The following SLC16A10 variants were observed in gnomAD, a reference collection of about 807,000 sequenced individuals.
The protein encoded by SLC16A10 is solute carrier family 16 member 10.
In SLC16A10, 27 loss-of-function variants were observed where a neutral mutation model predicts 40.0. That is an observed-to-expected ratio of 0.67 (90% CI 0.50 to 0.93). The LOEUF is 0.93. Among genes scored for constraint, SLC16A10 ranks in the 40% least tolerant of loss-of-function variants. The pLI, the probability that SLC16A10 is intolerant of heterozygous loss-of-function variation, is 0.00. For synonymous variants in SLC16A10, 213 were observed against 249.8 expected (o/e 0.85, Z 1.39); for missense variants, 529 against 658.2 (o/e 0.80, Z 2.15).
chr6:111,106,247 G>C (rs150013468), intron 1 of SLC16A10, among the ~76,000 whole-genome samples: 51 of 152,322 alleles, frequency 3.3e-4, no homozygotes, highest in African/African-American at 1.2e-3. Context: ...CTTGATAGTA[G>C]TAAAGGTTGG....
intron 2 of SLC16A10, among the ~76,000 whole-genome samples, chr6:111,175,549 TTAAG>T (rs1400773755): frequency 2.0e-5 from 3 of 152,182 alleles, no homozygotes; most frequent in South Asian, 2.1e-4. Context: ...AATAAGCACT[TTAAG>T]TAAGTTACAA....
intron 3 of SLC16A10, among the ~76,000 whole-genome samples, chr6:111,187,821 C>G (rs1772924632): frequency 6.6e-6 from 1 of 152,210 alleles, no homozygotes; most frequent in Non-Finnish European, 1.5e-5. Flanking sequence ...GTCTTTCTTT[C>G]ATGGATCTAT....
chr6:111,199,471 A>G (rs549355912), intron 3 of SLC16A10, among the ~76,000 whole-genome samples: 2 of 152,222 alleles, frequency 1.3e-5, no homozygotes, highest in African/African-American at 4.8e-5. Context: ...AAAAAAAAAA[A>G]AAATCGAATG....
At chr6:111,137,495 A>G (rs1340216531) in intron 1 of SLC16A10, among the ~76,000 whole-genome samples, 1 of 152,250 alleles carries the variant, frequency 6.6e-6, no homozygotes, top group Non-Finnish European at 1.5e-5. Context: ...TGTCTCTTAC[A>G]GAATTGAAGC....
chr6:111,182,493 T>C (rs1772816883), intron 3 of SLC16A10, among the ~76,000 whole-genome samples: 1 of 105,280 alleles, frequency 9.5e-6, no homozygotes. Context: ...GCTTGTCCCC[T>C]GATCTTTTTC....
intron 1 of SLC16A10, among the ~76,000 whole-genome samples, chr6:111,140,971 T>C (rs893831486): frequency 6.6e-6 from 1 of 152,078 alleles, no homozygotes; most frequent in Admixed American, 6.5e-5. Flanking sequence ...TTGTTTTTAA[T>C]AGAGGTAAGG....
intron 4 of SLC16A10, among the ~76,000 whole-genome samples, chr6:111,213,550 C>G (rs1773377625): frequency 6.6e-6 from 1 of 152,142 alleles, no homozygotes; most frequent in South Asian, 2.1e-4. Context: ...AGGGTATATA[C>G]TTTATCAAAT....
At chr6:111,148,153 G>A (rs190615724) in intron 1 of SLC16A10, among the ~76,000 whole-genome samples, 2 of 152,304 alleles carry the variant, frequency 1.3e-5, no homozygotes, top group Non-Finnish European at 2.9e-5. Flanking sequence ...GATGAGTGCT[G>A]TTGGGATCCT....
rs201626230 is a variant in SLC16A10, at chr6:111,218,829, T to G, written c.1102T>G (p.Phe368Val). The G allele has an allele frequency of 6.8e-6, 11 of 1,614,076 alleles. No individual in the cohort carries two copies. The highest frequency in any genetic ancestry group is 9.3e-6 in the Non-Finnish European group (11 of 1,180,038). The stretch of plus-strand genomic sequence containing the variant: ...TCCGTCCTAGGTACTCTCCTTTTTC[T>G]TCATTGGTCTGATGTCCATGATGAT... ...KVYLQVLSFF[F>V]IGLMSMMIPL... The change falls in exon 5 of 6, where the codon TTC becomes GTC. Residue 368 changes from phenylalanine to valine, a missense_variant. Phe to Val is a conservative substitution (Grantham distance 50). Coordinates refer to ENST00000368851, the MANE Select transcript of SLC16A10 (RefSeq NM_018593.5).
Position 111,177,231 on chromosome 6 carries a change from C to T in SLC16A10, c.508C>T (p.Leu170Phe), listed in dbSNP as rs1772702250. 4.5e-6 allele frequency: 7 copies of T among 1,556,156 alleles called. No homozygotes were observed. The highest frequency in any genetic ancestry group is 1.4e-5 in the African/African-American group (1 of 72,566). The change falls in exon 3 of 6, where the codon CTT becomes TTT. Residue 170 changes from leucine to phenylalanine, a missense_variant. Coordinates refer to ENST00000368851, the MANE Select transcript of SLC16A10 (RefSeq NM_018593.5). ...SFVSSIEPLY[L>F]TYGIIFACGC... ...ATACAGTTCCATCGAGCCTCTGTAC[C>T]TTACCTATGGAATCATATTTGCCTG...
chr6:111,217,671 C>G (rs1770790109), intron 4 of SLC16A10, among the ~76,000 whole-genome samples: 1 of 152,012 alleles, frequency 6.6e-6, no homozygotes, highest in African/African-American at 2.4e-5. Context: ...AGGATGGTCT[C>G]GATCTCCCGA....
intron 3 of SLC16A10, among the ~76,000 whole-genome samples, chr6:111,205,017 T>C (rs1311007432): frequency 1.3e-5 from 2 of 152,080 alleles, no homozygotes; most frequent in Admixed American, 1.3e-4. Context: ...CAAAGATAGA[T>C]TAGCAACAGA....
intron 1 of SLC16A10, among the ~76,000 whole-genome samples, chr6:111,169,936 A>C (rs1457556958): frequency 5.5e-5 from 1 of 18,088 alleles, no homozygotes; most frequent in Non-Finnish European, 1.4e-4. Flanking sequence ...TTTTTTTTTG[A>C]GACAGAATCT....
intron 1 of SLC16A10, among the ~76,000 whole-genome samples, chr6:111,106,632 A>G (rs915519147): frequency 6.6e-6 from 1 of 152,204 alleles, no homozygotes; most frequent in Non-Finnish European, 1.5e-5. Flanking sequence ...TAATCACTCT[A>G]TTGAGCTGGA....
intron 3 of SLC16A10, among the ~76,000 whole-genome samples, chr6:111,195,403 CAG>C (rs1773063611): frequency 6.6e-6 from 1 of 151,978 alleles, no homozygotes; most frequent in African/African-American, 2.4e-5. Context: ...TTAATGGGCA[CAG>C]AGTTTCAGCT....
intron 1 of SLC16A10, among the ~76,000 whole-genome samples, chr6:111,113,931 C>T (rs574978178): frequency 4.6e-5 from 7 of 152,254 alleles, no homozygotes; most frequent in African/African-American, 1.2e-4. Flanking sequence ...GCTTGCATTT[C>T]TGACTGGGCC....
chr6:111,185,286 C>T (rs1772875315), intron 3 of SLC16A10, among the ~76,000 whole-genome samples: 2 of 152,166 alleles, frequency 1.3e-5, no homozygotes, highest in Non-Finnish European at 2.9e-5. Context: ...ATGAAGGAGT[C>T]TGCATTCCTT....
chr6:111,132,235 A>G (rs905816128), intron 1 of SLC16A10, among the ~76,000 whole-genome samples: 1 of 152,144 alleles, frequency 6.6e-6, no homozygotes, highest in Admixed American at 6.5e-5. Flanking sequence ...AGAGAGAGAG[A>G]CGAAGAGGGA....
At position 111,225,667 on chromosome 6, in the gene SLC16A10, G is replaced by A. The variant is rs1169217363; in HGVS notation, c.*3432G>A. On this transcript the variant is annotated 3_prime_UTR_variant, in exon 6 of 6. Transcript: ENST00000368851. ...ATTTTAATTTATACGAATGTTACTT[G>A]AAATTGGCCTATGTCCAGATGACTT... 2 of 151,572 alleles carry A rather than the reference G, an allele frequency of 1.3e-5. No individual in the cohort carries two copies. Among genetic ancestry groups the A allele is most frequent in the Non-Finnish European group, 2.9e-5 (2 of 67,974 alleles). The allele number at this position is 151,572 out of a possible 1,614,324, so 9.4% of individuals were successfully genotyped here. A position where few individuals can be genotyped will look rare whatever the true frequency, so the allele number is the denominator to read the frequency against.
Sources: allele counts gnomAD v4.1 joint callset (sites outside exome capture counted in the v4.1 genomes callset), GRCh38; gene constraint gnomAD v4.1.1; transcripts MANE v1.5; gene names NCBI Gene and HGNC (gene_info 2026-07-23, HGNC 2026-07-21).